Variants in LIX1 observed in about 807,000 individuals in gnomAD.
LIX1 encodes limb and CNS expressed 1.
In LIX1, 24 loss-of-function variants were observed where a neutral mutation model predicts 33.4. That is an observed-to-expected ratio of 0.72 (90% CI 0.52 to 1.01). LIX1 has a LOEUF of 1.01. Ranked by LOEUF, LIX1 falls within the 50% of genes least tolerant of loss-of-function variation. LIX1 has a pLI of 0.00. For synonymous variants in LIX1, 124 were observed against 124.0 expected (o/e 1.00, Z 0.00); for missense variants, 311 against 339.2 (o/e 0.92, Z 0.65).
chr5:97,135,348 A>G (rs1748149411), intron 1 of LIX1, among the ~76,000 whole-genome samples: 1 of 152,236 alleles, frequency 6.6e-6, no homozygotes, highest in Non-Finnish European at 1.5e-5. Flanking sequence ...TAAGTATACC[A>G]TAGTTAAGCA....
rs190293880 is a variant in LIX1, at chr5:97,097,546, C to T, written c.484-659G>A. Among the ~76,000 whole-genome samples the T allele has an allele frequency of 1.4e-3, 212 of 152,272 alleles. 1 individual carries two copies. Among genetic ancestry groups the T allele is most frequent in the Middle Eastern group, 6.8e-3 (2 of 294 alleles). On this transcript the variant is annotated intron_variant, in intron 4 of 5. Coordinates refer to ENST00000274382, the MANE Select transcript of LIX1 (RefSeq NM_153234.5). ...GTAACTTTAGCTGTCTCTGGAATGC[C>T]AGAGGAATGCCTGGGGGACAGGAGT...
chr5:97,132,331 A>T (rs1166956670), intron 1 of LIX1, among the ~76,000 whole-genome samples: 1 of 152,226 alleles, frequency 6.6e-6, no homozygotes, highest in African/African-American at 2.4e-5. Flanking sequence ...TGTTAAAGTG[A>T]CATGTAAAAT....
At chr5:97,097,591 G>T (rs964094390) in intron 4 of LIX1, among the ~76,000 whole-genome samples, 1 of 152,108 alleles carries the variant, frequency 6.6e-6, no homozygotes, top group African/African-American at 2.4e-5. Context: ...ACCTTCTTGT[G>T]ACATTATTTT....
intron 4 of LIX1, among the ~76,000 whole-genome samples, chr5:97,101,267 A>T (rs1422088478): frequency 6.6e-6 from 1 of 152,200 alleles, no homozygotes; most frequent in Non-Finnish European, 1.5e-5. Context: ...GTTTTTAAGC[A>T]TCCCTTTCAA....
At chr5:97,126,399 T>C (rs1029434361) in intron 1 of LIX1, among the ~76,000 whole-genome samples, 2 of 152,172 alleles carry the variant, frequency 1.3e-5, no homozygotes, top group African/African-American at 4.8e-5. Context: ...ATCAGCTTCA[T>C]GGTGTATAGT....
chr5:97,122,735 T>G (rs1747814764), intron 2 of LIX1, among the ~76,000 whole-genome samples: 2 of 152,248 alleles, frequency 1.3e-5, no homozygotes, highest in Non-Finnish European at 2.9e-5. Flanking sequence ...ATGTTTTGTC[T>G]CCAACTCCCC....
chr5:97,116,863 G>A (rs1747649593), intron 2 of LIX1, among the ~76,000 whole-genome samples: 1 of 152,046 alleles, frequency 6.6e-6, no homozygotes, highest in African/African-American at 2.4e-5. Context: ...GAGCTGGTGA[G>A]CATCTTTCTA....
At chr5:97,131,939 G>A (rs894057728) in intron 1 of LIX1, among the ~76,000 whole-genome samples, 1 of 152,218 alleles carries the variant, frequency 6.6e-6, no homozygotes, top group Non-Finnish European at 1.5e-5. Context: ...CCTGGTGAGG[G>A]TAGAAATGTG....
Position 97,117,360 on chromosome 5 carries a change from G to T in LIX1, c.246+7106C>A, listed in dbSNP as rs190127199. On this transcript the variant is annotated intron_variant, in intron 2 of 5. Coordinates refer to ENST00000274382, the MANE Select transcript of LIX1 (RefSeq NM_153234.5). ...GGCATTAAAACAGCATTAGTGCTGG[G>T]CAATAGTCTCAAGTTTATAGCAGGA... Among the ~76,000 whole-genome samples, 574 of 152,282 alleles carry T rather than the reference G, an allele frequency of 3.8e-3. 2 individuals carry two copies. The highest frequency in any genetic ancestry group is 6.5e-3 in the Non-Finnish European group (439 of 68,022).
chr5:97,140,092 A>G (rs1354042439), intron 1 of LIX1, among the ~76,000 whole-genome samples: 2 of 152,234 alleles, frequency 1.3e-5, no homozygotes, highest in African/African-American at 4.8e-5. Flanking sequence ...TCAAAAGCCA[A>G]CTGAGGGCAA....
chr5:97,111,737 G>T (rs1279744534), intron 2 of LIX1, among the ~76,000 whole-genome samples: 1 of 152,078 alleles, frequency 6.6e-6, no homozygotes, highest in Non-Finnish European at 1.5e-5. Flanking sequence ...TTAGATAAAA[G>T]AAGCTATCTA....
intron 2 of LIX1, among the ~76,000 whole-genome samples, chr5:97,110,117 A>G (rs1332052874): frequency 6.6e-6 from 1 of 152,184 alleles, no homozygotes; most frequent in Non-Finnish European, 1.5e-5. Context: ...GAATTGCTGG[A>G]TCAAATGGTA....
intron 3 of LIX1, 39 bp downstream of exon 3, chr5:97,107,321 C>T (rs751803383): frequency 1.3e-6 from 2 of 1,578,926 alleles, no homozygotes; most frequent in Non-Finnish European, 1.7e-6. Context: ...TCAGAATTCT[C>T]AGTGCAGCCA....
At chr5:97,119,465 A>AT (rs1425138227) in intron 2 of LIX1, among the ~76,000 whole-genome samples, 1 of 152,128 alleles carries the variant, frequency 6.6e-6, no homozygotes, top group Non-Finnish European at 1.5e-5. Context: ...ATGTTCTTTC[A>AT]TTTTTCCCCC....
At chr5:97,135,361 A>G (rs1748149591) in intron 1 of LIX1, among the ~76,000 whole-genome samples, 1 of 152,230 alleles carries the variant, frequency 6.6e-6, no homozygotes, top group Non-Finnish European at 1.5e-5. Flanking sequence ...GTTAAGCAGC[A>G]TGCCTGATTC....
At chr5:97,112,289 G>A (rs1231985314) in intron 2 of LIX1, among the ~76,000 whole-genome samples, 2 of 152,176 alleles carry the variant, frequency 1.3e-5, no homozygotes, top group Non-Finnish European at 1.5e-5. Context: ...GTAAGAACAG[G>A]CACTGTTAAA....
intron 2 of LIX1, among the ~76,000 whole-genome samples, chr5:97,118,545 G>T (rs1747694343): frequency 6.6e-6 from 1 of 152,068 alleles, no homozygotes; most frequent in South Asian, 2.1e-4. Flanking sequence ...ATGATATGTG[G>T]CTAGGGAAGG....
chr5:97,114,672 A>T (rs1203934646), intron 2 of LIX1, among the ~76,000 whole-genome samples: 2 of 152,150 alleles, frequency 1.3e-5, no homozygotes, highest in Non-Finnish European at 2.9e-5. Context: ...TTTGCGGGTG[A>T]TTCTGACATG....
intron 4 of LIX1, among the ~76,000 whole-genome samples, chr5:97,102,469 G>A (rs1013362845): frequency 6.6e-6 from 1 of 152,156 alleles, no homozygotes; most frequent in Non-Finnish European, 1.5e-5. Flanking sequence ...CTCCTGGGTT[G>A]CCAGTATCCC....
Sources: gnomAD v4.1 joint callset for allele counts (sites outside exome capture counted in the v4.1 genomes callset) on GRCh38, gnomAD v4.1.1 for gene constraint, MANE v1.5 for transcripts, NCBI Gene and HGNC (gene_info 2026-07-23, HGNC 2026-07-21) for gene names.